Variants in CTNND2 observed in about 807,000 individuals in gnomAD.
CTNND2 encodes catenin delta-2.
Under a neutral mutation model 144.4 loss-of-function variants are expected in CTNND2, and 22 were observed. The observed-to-expected ratio is 0.15, with a 90% CI of 0.11 to 0.22. The LOEUF (loss-of-function observed/expected upper bound fraction) is 0.22, where lower values mean the gene tolerates loss of function less well. Among genes scored for constraint, CTNND2 ranks in the 10% least tolerant of loss-of-function variants. CTNND2 has a pLI of 1.00. For missense variants in CTNND2, 1,353 were observed against 1,618.8 expected (o/e 0.84, Z 2.82); for synonymous variants, 751 against 695.6 (o/e 1.08, Z -1.25).
intron 7 of CTNND2, among the ~76,000 whole-genome samples, chr5:11,378,362 C>T (rs534509713): frequency 7.9e-5 from 12 of 152,298 alleles, no homozygotes; most frequent in African/African-American, 1.2e-4. Context: ...GAGTCGCTGT[C>T]GTTGGGAGAG....
At chr5:11,842,446 G>T (rs1173906280) in intron 1 of CTNND2, among the ~76,000 whole-genome samples, 1 of 152,124 alleles carries the variant, frequency 6.6e-6, no homozygotes, top group African/African-American at 2.4e-5. Flanking sequence ...TGGGCCGGGC[G>T]CAGTGGCTCA....
intron 2 of CTNND2, among the ~76,000 whole-genome samples, chr5:11,703,890 G>A (rs1009187049): frequency 3.9e-5 from 6 of 152,150 alleles, no homozygotes; most frequent in Non-Finnish European, 2.9e-5. Context: ...TTAAGAAGGT[G>A]CAAAGGAATA....
chr5:11,387,513 T>C (rs1344944042), intron 6 of CTNND2, among the ~76,000 whole-genome samples: 1 of 152,098 alleles, frequency 6.6e-6, no homozygotes, highest in African/African-American at 2.4e-5. Context: ...ACATTTTTCT[T>C]CTGAAGCTCT....
chr5:11,471,341 T>C (rs1767214284), intron 3 of CTNND2, among the ~76,000 whole-genome samples: 1 of 152,114 alleles, frequency 6.6e-6, no homozygotes, highest in South Asian at 2.1e-4. Flanking sequence ...TTGTCATACA[T>C]ACAGATTTTA....
intron 16 of CTNND2, among the ~76,000 whole-genome samples, chr5:11,076,071 C>A (rs114533614): frequency 2.6e-3 from 398 of 152,346 alleles, no homozygotes; most frequent in African/African-American, 8.8e-3. Flanking sequence ...AATACATCAC[C>A]TGATGCTTGC....
chr5:11,105,608 G>A (rs568321027), intron 14 of CTNND2, among the ~76,000 whole-genome samples: 2 of 152,292 alleles, frequency 1.3e-5, no homozygotes, highest in Admixed American at 1.3e-4. Context: ...AAAACTAAAC[G>A]AGACACCTGA....
At chr5:11,288,269 C>T (rs977070383) in intron 9 of CTNND2, among the ~76,000 whole-genome samples, 1 of 152,020 alleles carries the variant, frequency 6.6e-6, no homozygotes, top group Non-Finnish European at 1.5e-5. Flanking sequence ...CAATCATCTA[C>T]ATTCATGTTC....
intron 3 of CTNND2, among the ~76,000 whole-genome samples, chr5:11,482,936 C>T (rs560664034): frequency 6.6e-5 from 10 of 152,042 alleles, no homozygotes; most frequent in African/African-American, 1.9e-4. Flanking sequence ...AGAAAGAAGA[C>T]GGCATGTGTG....
At chr5:11,153,670 G>A (rs900535243) in intron 12 of CTNND2, among the ~76,000 whole-genome samples, 20 of 152,192 alleles carry the variant, frequency 1.3e-4, no homozygotes, top group African/African-American at 4.6e-4. Flanking sequence ...CAAAGGCACA[G>A]TGCAGATACT....
chr5:11,195,964 C>T (rs1422733286), intron 11 of CTNND2, among the ~76,000 whole-genome samples: 6 of 152,146 alleles, frequency 3.9e-5, no homozygotes. Context: ...TATTGCAAGA[C>T]ATAGCAGGCA....
rs945874386 is a variant in CTNND2 at position 11,337,700 on chromosome 5, T to C, written c.1628+8672A>G. Among the ~76,000 whole-genome samples the C allele has an allele frequency of 5.3e-5, 8 of 152,294 alleles. No individual in the cohort carries two copies. In the South Asian group the frequency reaches 1.2e-3, roughly 24 times the overall value. On this transcript the variant is annotated intron_variant, in intron 9 of 21. Coordinates refer to ENST00000304623, the MANE Select transcript of CTNND2 (RefSeq NM_001332.4). The stretch of plus-strand genomic sequence containing the variant: ...TGCGGATAATTATTTGAGAATTCAG[T>C]AGATTACTCCTTTAAAGCACTACCT...
intron 1 of CTNND2, among the ~76,000 whole-genome samples, chr5:11,870,447 T>G (rs1735003926): frequency 6.6e-6 from 1 of 152,150 alleles, no homozygotes; most frequent in Non-Finnish European, 1.5e-5. Flanking sequence ...ACAGGTACAC[T>G]CATGAGCGAG....
chr5:11,106,542 G>A (rs1422676131), intron 14 of CTNND2, among the ~76,000 whole-genome samples: 1 of 152,214 alleles, frequency 6.6e-6, no homozygotes, highest in Non-Finnish European at 1.5e-5. Flanking sequence ...TCACCTGGGG[G>A]CAGGTAATAA....
chr5:11,839,105 T>A (rs1392740953), intron 1 of CTNND2, among the ~76,000 whole-genome samples: 1 of 152,180 alleles, frequency 6.6e-6, no homozygotes, highest in Non-Finnish European at 1.5e-5. Context: ...TCTAGCTCTC[T>A]CCTTAAATGA....
intron 14 of CTNND2, among the ~76,000 whole-genome samples, chr5:11,099,025 G>A (rs780077432): frequency 6.6e-6 from 1 of 152,088 alleles, no homozygotes; most frequent in Admixed American, 6.6e-5. Flanking sequence ...CTCCAAGAAC[G>A]ACTCTAACAT....
intron 2 of CTNND2, among the ~76,000 whole-genome samples, chr5:11,670,300 T>A (rs1239164604): frequency 6.6e-6 from 1 of 152,294 alleles, no homozygotes; most frequent in African/African-American, 2.4e-5. Context: ...GTCCTGAATA[T>A]CCTTGTAAAT....
chr5:11,841,398 A>G (rs555519706), intron 1 of CTNND2, among the ~76,000 whole-genome samples: 2 of 152,294 alleles, frequency 1.3e-5, no homozygotes, highest in East Asian at 3.9e-4. Context: ...AATTATCTAA[A>G]CTTGGAATAT....
At chr5:11,179,991 A>T (rs906014586) in intron 11 of CTNND2, among the ~76,000 whole-genome samples, 5 of 152,236 alleles carry the variant, frequency 3.3e-5, no homozygotes, top group African/African-American at 9.6e-5. Flanking sequence ...TCATTGAGGG[A>T]TCGCTGAGGC....
At position 11,210,135 on chromosome 5, in the gene CTNND2, G is replaced by A. The variant is rs540905159; in HGVS notation, c.1762-10474C>T. 6.3e-4 allele frequency among the ~76,000 whole-genome samples: 96 copies of A among 152,246 alleles called. 2 individuals are homozygous for A. The highest frequency in any genetic ancestry group is 2.2e-3 in the Admixed American group (34 of 15,296). The stretch of plus-strand genomic sequence containing the variant: ...AAATAAAGATATAAGATTGGGCGTG[G>A]TGGCTCACATCAGTACTTTGGGAGG... On this transcript the variant is annotated intron_variant, in intron 10 of 21. Transcript: ENST00000304623.
Sources: gnomAD v4.1 joint callset for allele counts (sites outside exome capture counted in the v4.1 genomes callset) on GRCh38, gnomAD v4.1.1 for gene constraint, MANE v1.5 for transcripts, NCBI Gene and HGNC (gene_info 2026-07-23, HGNC 2026-07-21) for gene names.